Variants in RTTN observed in about 807,000 individuals in gnomAD.
RTTN encodes rotatin.
RTTN carries 182 observed loss-of-function variants against 269.2 expected under a neutral mutation model. The observed-to-expected ratio is 0.68, with a 90% CI of 0.60 to 0.76. RTTN has a LOEUF of 0.76. Ranked by LOEUF, RTTN falls within the 30% of genes least tolerant of loss-of-function variation. RTTN has a pLI of 0.00. For missense variants in RTTN, 2,545 were observed against 2,608.6 expected (o/e 0.98, Z 0.53); for synonymous variants, 1,006 against 963.5 (o/e 1.04, Z -0.82).
chr18:70,199,535 C>G, intron 4 of RTTN, 31 bp from the exon 5 acceptor site: 1 of 1,421,662 alleles, frequency 7.0e-7, no homozygotes, highest in Non-Finnish European at 9.9e-7. Flanking sequence ...CTTATGGTAT[C>G]AAAGAATAAA....
At chr18:70,070,500 G>C (rs1486835737) in intron 34 of RTTN, among the ~76,000 whole-genome samples, 2 of 152,082 alleles carry the variant, frequency 1.3e-5, no homozygotes, top group Non-Finnish European at 2.9e-5. Context: ...ACTATCCTCT[G>C]TCTACTCTTC....
At chr18:70,092,854 TATAAAG>T (rs766489403) in intron 28 of RTTN, 50 bp from the exon 29 acceptor site, 46 of 1,521,926 alleles carry the variant, frequency 3.0e-5, no homozygotes, top group Non-Finnish European at 3.8e-5. Flanking sequence ...CTCAATGGTA[TATAAAG>T]ATAAATATAT....
intron 1 of RTTN, 145 bp downstream of exon 1, chr18:70,205,483 G>A (rs772046876): frequency 7.6e-7 from 1 of 1,311,426 alleles, no homozygotes; most frequent in South Asian, 1.2e-5. Flanking sequence ...AGTCCGAGAT[G>A]GGTCCCCGGG....
intron 18 of RTTN, 87 bp downstream of exon 18, chr18:70,145,525 A>T: frequency 9.7e-7 from 1 of 1,027,302 alleles, no homozygotes; most frequent in Non-Finnish European, 1.4e-6. Context: ...CCCAGGACAT[A>T]CACAAACTGA....
chr18:70,111,894 G>T (rs944022308), intron 27 of RTTN, among the ~76,000 whole-genome samples: 1 of 151,654 alleles, frequency 6.6e-6, no homozygotes, highest in East Asian at 1.9e-4. Context: ...AAATGTTAAG[G>T]GCAGCCAGAG....
intron 10 of RTTN, among the ~76,000 whole-genome samples, chr18:70,178,310 CATAAA>C (rs942377416): frequency 9.2e-5 from 14 of 152,088 alleles, no homozygotes; most frequent in African/African-American, 2.9e-4. Context: ...ACCTTTAAAA[CATAAA>C]ATAAAATAAG....
At position 70,086,681 on chromosome 18, in the gene RTTN, C is replaced by T; in HGVS notation, c.4306G>A (p.Ala1436Thr). 2 of 507,214 alleles carry T rather than the reference C, an allele frequency of 3.9e-6. No homozygotes were observed. Among genetic ancestry groups the T allele is most frequent in the Non-Finnish European group, 6.5e-6 (2 of 305,732 alleles). The allele number at this position is 507,214 out of a possible 1,614,324, so 31.4% of individuals were successfully genotyped here. The change falls in exon 32 of 49, where the codon GCA (alanine) becomes ACA (threonine). Residue 1436 changes from alanine to threonine, a missense_variant. By Grantham distance (58) the Ala-to-Thr change is moderately conservative. Transcript: ENST00000640769. ...SECSMVRREA[A>T]FILQNLLVIP... ...ACAAGGAGATTCTGAAGAATAAATG[C>T]CGCCTGAAAATGTAAAAAAAAAAAA... is the stretch of plus-strand genomic sequence containing the variant.
intron 32 of RTTN, among the ~76,000 whole-genome samples, chr18:70,084,610 A>G (rs1490451544): frequency 2.7e-5 from 4 of 150,872 alleles, no homozygotes; most frequent in Non-Finnish European, 4.4e-5. Flanking sequence ...ACACTTACAC[A>G]AACAAAAATA....
At chr18:70,135,697 T>C (rs2060108555) in intron 21 of RTTN, among the ~76,000 whole-genome samples, 1 of 152,204 alleles carries the variant, frequency 6.6e-6, no homozygotes, top group Non-Finnish European at 1.5e-5. Flanking sequence ...ATTTTATAAC[T>C]TTTGCCCTTT....
rs199706817 is a variant in RTTN, at chr18:70,150,701, G to C, written c.1962C>G (p.Pro654=). 6.2e-7 allele frequency: 1 copy of C among 1,606,892 alleles called. No homozygotes were observed. Residue 654 remains proline, a synonymous_variant, in exon 15 of 49, where the codon CCC becomes CCG. Coordinates refer to ENST00000640769, the MANE Select transcript of RTTN (RefSeq NM_173630.4). ...GAATTCCATTGCAAAGTGAAGACAC[G>C]GGTTTAGTGACATTATGGACACCTA... is the stretch of plus-strand genomic sequence containing the variant. ...ECLGVHNVTK[P]VSSLCNGIHF...
chr18:70,149,910 T>C, intron 16 of RTTN, 61 bp downstream of exon 16: 1 of 1,178,884 alleles, frequency 8.5e-7, no homozygotes, highest in Non-Finnish European at 1.3e-6. Context: ...TGCATGCATT[T>C]AAATCAATCA....
At chr18:70,064,602 A>C (rs1465162898) in intron 35 of RTTN, among the ~76,000 whole-genome samples, 1 of 152,198 alleles carries the variant, frequency 6.6e-6, no homozygotes, top group Non-Finnish European at 1.5e-5. Context: ...ATGTTATATG[A>C]TTCCATTCAT....
Position 70,110,534 on chromosome 18 carries a change from C to T in RTTN, c.3684-817G>A, listed in dbSNP as rs7233141. Among the ~76,000 whole-genome samples the T allele has an allele frequency of 8.9e-3, 1,352 of 152,218 alleles. 25 individuals carry two copies. Among genetic ancestry groups the T allele is most frequent in the African/African-American group, 0.03 (1,252 of 41,546 alleles). On this transcript the variant is annotated intron_variant, in intron 27 of 48. Coordinates refer to ENST00000640769, the MANE Select transcript of RTTN (RefSeq NM_173630.4). ...CTGAGGAACTCCTGCACAGATACTGCGCTTGTCCCACGGTTTTCGCAACCT... is the reference window on the plus strand; with the variant it reads ...CTGAGGAACTCCTGCACAGATACTGTGCTTGTCCCACGGTTTTCGCAACCT...
intron 6 of RTTN, 78 bp from the exon 7 acceptor site, chr18:70,196,726 A>C: frequency 2.2e-6 from 3 of 1,338,952 alleles, no homozygotes; most frequent in Non-Finnish European, 3.1e-6. Flanking sequence ...AGCTTAAGTA[A>C]GTAAGCCTAA....
At chr18:70,029,746 T>C (rs556070905) in intron 42 of RTTN, among the ~76,000 whole-genome samples, 26 of 152,358 alleles carry the variant, frequency 1.7e-4, no homozygotes, top group Non-Finnish European at 7.4e-5. Flanking sequence ...AAAAAATTTA[T>C]CTGGCATAGT....
At chr18:70,083,614 C>T (rs182674900) in intron 32 of RTTN, among the ~76,000 whole-genome samples, 12 of 152,026 alleles carry the variant, frequency 7.9e-5, no homozygotes, top group African/African-American at 2.9e-4. Context: ...TTATTTAATA[C>T]TTTAAAAAAA....
At chr18:70,178,138 G>T (rs930195567) in intron 10 of RTTN, among the ~76,000 whole-genome samples, 2 of 152,082 alleles carry the variant, frequency 1.3e-5, no homozygotes, top group African/African-American at 4.8e-5. Context: ...ATCCCAGCAG[G>T]ATTGAACTTG....
chr18:70,048,304 G>T (rs2057551640), intron 39 of RTTN, 116 bp from the exon 40 acceptor site: 5 of 988,216 alleles, frequency 5.1e-6, no homozygotes, highest in Non-Finnish European at 7.4e-6. Flanking sequence ...ACCAACTTGT[G>T]TGATTGTGTT....
chr18:70,028,878 C>A, intron 42 of RTTN, 77 bp from the exon 43 acceptor site: 7 of 983,048 alleles, frequency 7.1e-6, no homozygotes, highest in Non-Finnish European at 9.5e-6. Flanking sequence ...ATTCCCTCCC[C>A]TTTGGGTCAC....
Sources: allele counts gnomAD v4.1 joint callset (sites outside exome capture counted in the v4.1 genomes callset), GRCh38; gene constraint gnomAD v4.1.1; transcripts MANE v1.5; gene names NCBI Gene and HGNC (gene_info 2026-07-23, HGNC 2026-07-21).